Variants in SLCO5A1 observed in about 807,000 individuals in gnomAD.
SLCO5A1 encodes organic anion transporter polypeptide-related protein 4.
SLCO5A1 carries 39 observed loss-of-function variants against 65.1 expected under a neutral mutation model. The ratio of observed to expected loss-of-function variants is 0.60; its 90% confidence interval spans 0.46 to 0.78. SLCO5A1 has a LOEUF of 0.78. SLCO5A1 is among the 30% of genes least tolerant of loss of function. The probability of loss-of-function intolerance (pLI) is 0.00; values close to 1 mark genes in which losing one functional copy is unlikely to be tolerated. For synonymous variants in SLCO5A1, 438 were observed against 415.7 expected (o/e 1.05, Z -0.65); for missense variants, 1,029 against 1,069.4 (o/e 0.96, Z 0.53).
chr8:69,791,685 A>G (rs560784373), intron 2 of SLCO5A1, among the ~76,000 whole-genome samples: 23 of 152,346 alleles, frequency 1.5e-4, no homozygotes, highest in African/African-American at 5.3e-4. Context: ...CAAGAAGCCC[A>G]GAGTCCAGTG....
chr8:69,797,364 A>G (rs1038746930), intron 2 of SLCO5A1, among the ~76,000 whole-genome samples: 9 of 152,230 alleles, frequency 5.9e-5, no homozygotes, highest in Admixed American at 5.9e-4. Flanking sequence ...TTAACTGCAC[A>G]AATTGTTTGT....
chr8:69,802,583 C>T (rs1222287103), intron 2 of SLCO5A1, among the ~76,000 whole-genome samples: 1 of 151,764 alleles, frequency 6.6e-6, no homozygotes, highest in East Asian at 1.9e-4. Context: ...TATCTGGTCA[C>T]AGGAATATTT....
rs369608082 is a variant in SLCO5A1 at position 69,781,639 on chromosome 8, GTTTTTGT to G, written c.908-19771_908-19765del. On this transcript the variant is annotated intron_variant, in intron 2 of 9. Transcript: ENST00000260126. ...GTAGATACTATTATTATCCTTTTTT[GTTTTTGT>G]TTTTTGTTTTTTGTTTTTTGTTTTT... is the stretch of plus-strand genomic sequence containing the variant. Among the ~76,000 whole-genome samples the G allele has an allele frequency of 2.6e-3, 393 of 151,720 alleles. 1 individual carries two copies. The highest frequency in any genetic ancestry group is 7.1e-3 in the African/African-American group (294 of 41,424).
intron 5 of SLCO5A1, among the ~76,000 whole-genome samples, chr8:69,706,072 A>G (rs1161901078): frequency 6.6e-6 from 1 of 152,242 alleles, no homozygotes; most frequent in Non-Finnish European, 1.5e-5. Context: ...GTATGTCTAT[A>G]TAAAGGATTG....
At chr8:69,779,905 T>C (rs1818725457) in intron 2 of SLCO5A1, among the ~76,000 whole-genome samples, 1 of 152,052 alleles carries the variant, frequency 6.6e-6, no homozygotes, top group African/African-American at 2.4e-5. Context: ...CAAAATTATA[T>C]ATACAACAGG....
At chr8:69,699,312 AAC>A (rs1209956958) in intron 6 of SLCO5A1, among the ~76,000 whole-genome samples, 1 of 152,196 alleles carries the variant, frequency 6.6e-6, no homozygotes, top group Non-Finnish European at 1.5e-5. Flanking sequence ...CTGCAAAATG[AAC>A]AGTGAGGACC....
chr8:69,725,091 T>C (rs1453120628), intron 5 of SLCO5A1, among the ~76,000 whole-genome samples: 1 of 152,158 alleles, frequency 6.6e-6, no homozygotes, highest in Non-Finnish European at 1.5e-5. Context: ...TTTTTAAAAC[T>C]TCAAAAACCC....
intron 2 of SLCO5A1, among the ~76,000 whole-genome samples, chr8:69,799,152 G>A (rs576717953): frequency 6.6e-6 from 1 of 152,282 alleles, no homozygotes; most frequent in South Asian, 2.1e-4. Context: ...ATAATAACCT[G>A]TTTCAAGTCT....
At chr8:69,777,033 C>A (rs1402119839) in intron 2 of SLCO5A1, among the ~76,000 whole-genome samples, 1 of 152,168 alleles carries the variant, frequency 6.6e-6, no homozygotes, top group Non-Finnish European at 1.5e-5. Flanking sequence ...ATATACATAT[C>A]ACTTGATTCA....
intron 2 of SLCO5A1, among the ~76,000 whole-genome samples, chr8:69,801,421 A>G (rs1382574013): frequency 6.6e-6 from 1 of 152,236 alleles, no homozygotes; most frequent in Non-Finnish European, 1.5e-5. Flanking sequence ...GCAAACAAGA[A>G]AAAGATAGGT....
At chr8:69,702,044 G>T (rs947646311) in intron 6 of SLCO5A1, among the ~76,000 whole-genome samples, 1 of 152,168 alleles carries the variant, frequency 6.6e-6, no homozygotes, top group Non-Finnish European at 1.5e-5. Flanking sequence ...CATTGTAGAA[G>T]AAACAGCTAA....
At chr8:69,823,372 G>T (rs964795994) in intron 2 of SLCO5A1, among the ~76,000 whole-genome samples, 1 of 152,166 alleles carries the variant, frequency 6.6e-6, no homozygotes, top group Non-Finnish European at 1.5e-5. Context: ...GTATTCAGGA[G>T]ACCCATCTCA....
chr8:69,827,722 GAC>G (rs1820983488), intron 2 of SLCO5A1, among the ~76,000 whole-genome samples: 2 of 152,122 alleles, frequency 1.3e-5, no homozygotes, highest in Non-Finnish European at 2.9e-5. Context: ...AAATAAGAAA[GAC>G]ATTTTAATTC....
Position 69,670,400 on chromosome 8 carries a change from G to T in SLCO5A1, c.*2469C>A, listed in dbSNP as rs1431886188. The T allele has an allele frequency of 6.6e-6, 1 of 152,140 alleles. No individual in the cohort carries two copies. Among genetic ancestry groups the T allele is most frequent in the Non-Finnish European group, 1.5e-5 (1 of 68,022 alleles). 9.4% of individuals were successfully genotyped at this position (152,140 alleles called of 1,614,324 possible). Reference sequence around the variant, plus strand: ...ATGCTACCATAGCCCCAAGTATTTTGTGAACCACTCTTAATTGGTACATAT... The same window carrying T: ...ATGCTACCATAGCCCCAAGTATTTTTTGAACCACTCTTAATTGGTACATAT... On this transcript the variant is annotated 3_prime_UTR_variant, in exon 10 of 10. Coordinates refer to ENST00000260126, the MANE Select transcript of SLCO5A1 (RefSeq NM_030958.3).
rs1586851702 is a variant in SLCO5A1, at chr8:69,834,126, A to ACC, written c.-497+727_-497+728insGG. ...CACACACACACACACACACACACAC[A>ACC]CACCGGCGTACTGGAACCTCTCTCG... On this transcript the variant is annotated intron_variant, in intron 1 of 9. Coordinates refer to ENST00000260126, the MANE Select transcript of SLCO5A1 (RefSeq NM_030958.3). 2.7e-5 allele frequency: 4 copies of ACC among 149,190 alleles called. No homozygotes were observed. In the East Asian group the frequency reaches 7.8e-4, roughly 29 times the overall value. The allele number at this position is 149,190 out of a possible 1,614,324, so 9.2% of individuals were successfully genotyped here. A position where few individuals can be genotyped will look rare whatever the true frequency, so the allele number is the denominator to read the frequency against.
intron 6 of SLCO5A1, among the ~76,000 whole-genome samples, chr8:69,690,375 G>A (rs941554758): frequency 2.6e-5 from 4 of 151,376 alleles, no homozygotes; most frequent in East Asian, 1.9e-4. Context: ...CACCCGCCGC[G>A]GGCCTTTGTG....
At chr8:69,688,196 T>C (rs1814083294) in intron 6 of SLCO5A1, among the ~76,000 whole-genome samples, 1 of 152,128 alleles carries the variant, frequency 6.6e-6, no homozygotes, top group African/African-American at 2.4e-5. Flanking sequence ...TCTAAGACTA[T>C]AAATAGAAGG....
chr8:69,687,325 T>A (rs1487004234), intron 6 of SLCO5A1, among the ~76,000 whole-genome samples: 1 of 152,208 alleles, frequency 6.6e-6, no homozygotes, highest in Non-Finnish European at 1.5e-5. Flanking sequence ...CAAAGCGCAG[T>A]ATGTCATAGC....
chr8:69,827,319 A>G (rs1820966672), intron 2 of SLCO5A1, among the ~76,000 whole-genome samples: 2 of 152,066 alleles, frequency 1.3e-5, no homozygotes, highest in Non-Finnish European at 2.9e-5. Flanking sequence ...AAAGAGAAAA[A>G]AAAATTATAG....
Sources: gnomAD v4.1 joint callset for allele counts (sites outside exome capture counted in the v4.1 genomes callset) on GRCh38, gnomAD v4.1.1 for gene constraint, MANE v1.5 for transcripts, NCBI Gene and HGNC (gene_info 2026-07-23, HGNC 2026-07-21) for gene names.